Variants in NOSTRIN observed in about 807,000 individuals in gnomAD.
The protein encoded by NOSTRIN is BM247 homolog.
Under a neutral mutation model 59.0 loss-of-function variants are expected in NOSTRIN, and 63 were observed. That is an observed-to-expected ratio of 1.07 (90% CI 0.87 to 1.32). The LOEUF is 1.32. Among genes scored for constraint, NOSTRIN ranks in the 40% most tolerant of loss-of-function variants. The pLI is 0.00. For synonymous variants in NOSTRIN, 200 were observed against 165.4 expected, an observed-to-expected ratio of 1.21 and a Z score of -1.61; for missense variants, 512 against 473.1, an observed-to-expected ratio of 1.08 and a Z score of -0.76.
chr2:168,859,396 G>T, intron 12 of NOSTRIN, 116 bp from the exon 13 acceptor site: 1 of 1,428,758 alleles, frequency 7.0e-7, no homozygotes, highest in East Asian at 2.4e-5. Flanking sequence ...ATATCTGTAT[G>T]AGTTAAATGC....
At chr2:168,819,941 A>G (rs563329488) in intron 2 of NOSTRIN, among the ~76,000 whole-genome samples, 1 of 152,266 alleles carries the variant, frequency 6.6e-6, no homozygotes, top group South Asian at 2.1e-4. Flanking sequence ...AACTGCACAG[A>G]TGCCTTTGGA....
intron 2 of NOSTRIN, among the ~76,000 whole-genome samples, chr2:168,791,942 A>T (rs1239255497): frequency 6.6e-6 from 1 of 151,914 alleles, no homozygotes; most frequent in Non-Finnish European, 1.5e-5. Context: ...TTGCCTGTTC[A>T]CTCTGATGGT....
At chr2:168,827,773 T>C (rs1360402725) in intron 3 of NOSTRIN, among the ~76,000 whole-genome samples, 2 of 151,876 alleles carry the variant, frequency 1.3e-5, no homozygotes, top group African/African-American at 4.8e-5. Flanking sequence ...TCTCGCTGTG[T>C]GTGTTGCACA....
chr2:168,851,224 G>A (rs1158252085), intron 9 of NOSTRIN, 42 bp downstream of exon 9: 2 of 1,614,028 alleles, frequency 1.2e-6, no homozygotes, highest in Non-Finnish European at 1.7e-6. Context: ...TGCCTGGTAA[G>A]AAGGGGCAGA....
chr2:168,852,211 T>G (rs1301488503), intron 10 of NOSTRIN, among the ~76,000 whole-genome samples: 1 of 152,164 alleles, frequency 6.6e-6, no homozygotes, highest in Non-Finnish European at 1.5e-5. Flanking sequence ...CCCAAAGGCA[T>G]GGGTTCTAGG....
rs760851816 is a variant in NOSTRIN, at chr2:168,828,200, A to C, written c.240A>C (p.Lys80Asn). ...SAWAWASEGM[K>N]STADLHQKLG... Reference sequence around the variant, plus strand: ...GGGCCTGGGCCTCAGAGGGAATGAAATCCACAGCGGACCTGCATCAGTGAG... The same window carrying C: ...GGGCCTGGGCCTCAGAGGGAATGAACTCCACAGCGGACCTGCATCAGTGAG... Residue 80 changes from lysine to asparagine, a missense_variant, in exon 4 of 16, where the codon AAA becomes AAC. Coordinates refer to ENST00000317647, the MANE Select transcript of NOSTRIN (RefSeq NM_001039724.4). The C allele has an allele frequency of 1.1e-6, 1 of 872,970 alleles. No individual in the cohort carries two copies. Among genetic ancestry groups the C allele is most frequent in the Non-Finnish European group, 2.0e-6 (1 of 501,674 alleles). The allele number at this position is 872,970 out of a possible 1,614,324, so 54.1% of individuals were successfully genotyped here.
At chr2:168,808,158 A>G (rs1400318089) in intron 1 of NOSTRIN, among the ~76,000 whole-genome samples, 1 of 152,236 alleles carries the variant, frequency 6.6e-6, no homozygotes, top group African/African-American at 2.4e-5. Flanking sequence ...ACCCAAGCAC[A>G]TAGAAAAATT....
intron 1 of NOSTRIN, among the ~76,000 whole-genome samples, chr2:168,809,590 A>G (rs1686031863): frequency 6.6e-6 from 1 of 152,080 alleles, no homozygotes; most frequent in African/African-American, 2.4e-5. Flanking sequence ...AAGAGGTTAA[A>G]CAAGTTTCTT....
intron 1 of NOSTRIN, chr2:168,787,846 T>G (rs561238454): frequency 4.0e-5 from 6 of 150,650 alleles, no homozygotes; most frequent in African/African-American, 1.4e-4. Context: ...TTTCATTTTT[T>G]TTAATTTTTT....
intron 2 of NOSTRIN, among the ~76,000 whole-genome samples, chr2:168,788,770 G>A (rs1348881319): frequency 6.6e-6 from 1 of 152,160 alleles, no homozygotes; most frequent in Non-Finnish European, 1.5e-5. Context: ...AGTAGTATTG[G>A]ATTAAAATTG....
In NOSTRIN at chr2:168,851,086, C is replaced by A. The variant is rs191906284; in HGVS notation, c.633C>A (p.Ser211Arg). ...ACCCCAATTTTCATTCTTTTCAGAG[C>A]ATTCTGGAGCTGGAGAAGGAAAGAA... The part of the protein sequence containing the change: ...WENTLENCYQ[S>R]ILELEKERIQ... Residue 211 changes from serine to arginine, a missense_variant and splice_region_variant, in exon 9 of 16, where the codon AGC (serine) becomes AGA (arginine). Physicochemically the swap from Ser to Arg is moderately radical, Grantham distance 110. Coordinates refer to ENST00000317647, the MANE Select transcript of NOSTRIN (RefSeq NM_001039724.4). The A allele has an allele frequency of 4.9e-4, 723 of 1,482,654 alleles. 5 individuals carry two copies. The highest frequency in any genetic ancestry group is 1.2e-4 in the Admixed American group (7 of 59,870). 91.8% of individuals were successfully genotyped at this position (1,482,654 alleles called of 1,614,324 possible).
intron 5 of NOSTRIN, among the ~76,000 whole-genome samples, chr2:168,829,068 C>G (rs1446050283): frequency 6.6e-6 from 1 of 152,062 alleles, no homozygotes; most frequent in African/African-American, 2.4e-5. Flanking sequence ...ATGATAAGCA[C>G]AATTTTTACA....
chr2:168,848,241 CTG>C lies in NOSTRIN; in HGVS notation c.631-2839_631-2838del, dbSNP rs1688544354. ...GAAGCAAAACATTTGATAGGCTATT[CTG>C]TGTCTTTAATCCTTTATCTGGGAGA... On this transcript the variant is annotated intron_variant, in intron 8 of 15. Coordinates refer to ENST00000317647, the MANE Select transcript of NOSTRIN (RefSeq NM_001039724.4). Among the ~76,000 whole-genome samples, 3 of 152,318 alleles carry C rather than the reference CTG, an allele frequency of 2.0e-5. No individual in the cohort carries two copies. In the South Asian group the frequency reaches 6.2e-4, roughly 32 times the overall value.
intron 7 of NOSTRIN, among the ~76,000 whole-genome samples, 180 bp downstream of exon 7, chr2:168,834,505 G>GCACACACACACACACACACA (rs1271378211): frequency 9.7e-6 from 1 of 103,080 alleles, no homozygotes; most frequent in Admixed American, 1.0e-4. Flanking sequence ...GCGCGCGCGC[G>GCACACACACACACACACACA]CGCACACACA....
At chr2:168,854,864 C>G (rs910958833) in intron 10 of NOSTRIN, among the ~76,000 whole-genome samples, 3 of 152,122 alleles carry the variant, frequency 2.0e-5, no homozygotes, top group South Asian at 2.1e-4. Context: ...ATCATAAACC[C>G]ATTCTGGAAA....
chr2:168,846,930 T>C (rs1289574482), intron 8 of NOSTRIN, among the ~76,000 whole-genome samples: 2 of 152,200 alleles, frequency 1.3e-5, no homozygotes, highest in African/African-American at 4.8e-5. Flanking sequence ...CTTCATTCTT[T>C]CCTAGGACTC....
intron 14 of NOSTRIN, 46 bp from the exon 15 acceptor site, chr2:168,861,914 T>C (rs1329556778): frequency 1.9e-6 from 3 of 1,551,704 alleles, no homozygotes; most frequent in Non-Finnish European, 1.8e-6. Context: ...CTCATATTCA[T>C]TTGCCTGCTA....
At position 168,854,779 on chromosome 2, in the gene NOSTRIN, T is replaced by G. The variant is rs62175728; in HGVS notation, c.856-573T>G. Among the ~76,000 whole-genome samples, 538 of 152,256 alleles carry G rather than the reference T, an allele frequency of 3.5e-3. 2 individuals carry two copies. Among genetic ancestry groups the G allele is most frequent in the Middle Eastern group, 0.02 (6 of 294 alleles). On this transcript the variant is annotated intron_variant, in intron 10 of 15. Coordinates refer to ENST00000317647, the MANE Select transcript of NOSTRIN (RefSeq NM_001039724.4). ...AGCTGTCAGCTGCCTGCACTCGTGG[T>G]GTCTGTAGCATTCGTGAATGCATGT...
intron 1 of NOSTRIN, among the ~76,000 whole-genome samples, chr2:168,805,656 G>A (rs1685810855): frequency 6.6e-6 from 1 of 152,078 alleles, no homozygotes; most frequent in Non-Finnish European, 1.5e-5. Flanking sequence ...AGTCTTCTGG[G>A]CGCCACACAG....
Sources: allele counts gnomAD v4.1 joint callset (sites outside exome capture counted in the v4.1 genomes callset), GRCh38; gene constraint gnomAD v4.1.1; transcripts MANE v1.5; gene names NCBI Gene and HGNC (gene_info 2026-07-23, HGNC 2026-07-21).